The following TSHZ2 variants were observed in gnomAD, a reference collection of about 807,000 sequenced individuals.
TSHZ2 encodes teashirt zinc finger homeobox 2.
A neutral mutation model predicts 74.4 loss-of-function variants in TSHZ2; 21 were observed. The ratio of observed to expected loss-of-function variants is 0.28; its 90% CI spans 0.20 to 0.41. The LOEUF (loss-of-function observed/expected upper bound fraction) is 0.41, where lower values mean the gene tolerates loss of function less well. Ranked by LOEUF, TSHZ2 falls within the 10% of genes least tolerant of loss-of-function variation. TSHZ2 has a pLI of 1.00. For synonymous variants in TSHZ2, 540 were observed against 515.3 expected, an observed-to-expected ratio of 1.05 and a Z score of -0.65; for missense variants, 1,244 against 1,293.5, an observed-to-expected ratio of 0.96 and a Z score of 0.59.
intron 2 of TSHZ2, among the ~76,000 whole-genome samples, chr20:53,444,614 T>A (rs1428267470): frequency 1.3e-5 from 2 of 152,188 alleles, no homozygotes; most frequent in African/African-American, 4.8e-5. Context: ...TGTTCATCCG[T>A]AAGTAAACAC....
chr20:53,234,747 G>T (rs576971133), intron 1 of TSHZ2, among the ~76,000 whole-genome samples: 3 of 152,138 alleles, frequency 2.0e-5, no homozygotes, highest in Non-Finnish European at 4.4e-5. Flanking sequence ...CAGTATGGCT[G>T]GAGCAGAAAA....
At chr20:53,478,954 C>T (rs1986071392) in intron 2 of TSHZ2, among the ~76,000 whole-genome samples, 1 of 152,070 alleles carries the variant, frequency 6.6e-6, no homozygotes, top group Non-Finnish European at 1.5e-5. Flanking sequence ...CACTTCGGAT[C>T]AGGGATTCCA....
chr20:53,416,170 A>C (rs1983247256), intron 2 of TSHZ2, among the ~76,000 whole-genome samples: 1 of 152,148 alleles, frequency 6.6e-6, no homozygotes, highest in Non-Finnish European at 1.5e-5. Flanking sequence ...TACAGCAAGG[A>C]TTAGAGGGAG....
At position 53,493,242 on chromosome 20, in the gene TSHZ2, G is replaced by A. The variant is rs1986494007; in HGVS notation, c.*6107G>A. The A allele has an allele frequency of 6.6e-6, 1 of 152,088 alleles. No individual in the cohort carries two copies. The highest frequency in any genetic ancestry group is 1.5e-5 in the Non-Finnish European group (1 of 68,014). 9.4% of individuals were successfully genotyped at this position (152,088 alleles called of 1,614,324 possible). A position where few individuals can be genotyped will look rare whatever the true frequency, so the allele number is the denominator to read the frequency against. The stretch of plus-strand genomic sequence containing the variant: ...AAAATATGCTTGTAATTTTTTCCTG[G>A]TCATTCTCTTTCAATAGCTTATGAA... On this transcript the variant is annotated 3_prime_UTR_variant, in exon 3 of 3. Transcript: ENST00000371497.
intron 1 of TSHZ2, among the ~76,000 whole-genome samples, chr20:53,024,953 A>C (rs951460412): frequency 6.6e-6 from 1 of 152,188 alleles, no homozygotes; most frequent in Non-Finnish European, 1.5e-5. Flanking sequence ...GCCACAATAG[A>C]CATACGTGTG....
At chr20:53,135,007 GACACAC>G (rs139347142) in intron 1 of TSHZ2, among the ~76,000 whole-genome samples, 8,184 of 148,696 alleles carry the variant, frequency 0.055, 580 homozygotes, top group African/African-American at 0.17. Flanking sequence ...TGCACATGCA[GACACAC>G]ACACACACAC....
At chr20:53,151,118 C>T (rs1041595514) in intron 1 of TSHZ2, among the ~76,000 whole-genome samples, 1 of 152,150 alleles carries the variant, frequency 6.6e-6, no homozygotes, top group African/African-American at 2.4e-5. Flanking sequence ...CCTGTTAAAA[C>T]AGAAGGTGCA....
intron 2 of TSHZ2, among the ~76,000 whole-genome samples, chr20:53,386,642 C>T (rs746866016): frequency 6.6e-6 from 1 of 152,164 alleles, no homozygotes; most frequent in Admixed American, 6.5e-5. Flanking sequence ...ACGAATGCCC[C>T]GTTGCCTTTG....
At chr20:53,073,991 C>T (rs1985288808) in intron 1 of TSHZ2, among the ~76,000 whole-genome samples, 1 of 152,140 alleles carries the variant, frequency 6.6e-6, no homozygotes, top group Non-Finnish European at 1.5e-5. Flanking sequence ...GAGGTGCTTC[C>T]ACACTTTCTA....
intron 1 of TSHZ2, among the ~76,000 whole-genome samples, chr20:53,185,833 T>C (rs1240715474): frequency 2.0e-5 from 3 of 152,202 alleles, no homozygotes; most frequent in Non-Finnish European, 4.4e-5. Flanking sequence ...AGTTTTTAAA[T>C]GATACTTTTT....
intron 1 of TSHZ2, among the ~76,000 whole-genome samples, chr20:52,973,657 G>A (rs563076745): frequency 2.6e-4 from 39 of 152,216 alleles, no homozygotes; most frequent in African/African-American, 8.7e-4. Context: ...TTTGGGGTGC[G>A]GAGTAGGGAG....
chr20:53,453,831 A>T (rs1408362832), intron 2 of TSHZ2, among the ~76,000 whole-genome samples: 1 of 152,182 alleles, frequency 6.6e-6, no homozygotes, highest in Non-Finnish European at 1.5e-5. Flanking sequence ...TTCTCCAAAC[A>T]GTAATCAGGC....
chr20:53,030,366 A>G (rs1983591023), intron 1 of TSHZ2, among the ~76,000 whole-genome samples: 1 of 150,982 alleles, frequency 6.6e-6, no homozygotes, highest in South Asian at 2.1e-4. Flanking sequence ...AAAAAAAAAA[A>G]ATAGTCAACC....
chr20:53,425,513 T>C (rs1302438352), intron 2 of TSHZ2, among the ~76,000 whole-genome samples: 1 of 152,188 alleles, frequency 6.6e-6, no homozygotes, highest in East Asian at 1.9e-4. Context: ...GGGTGTATAT[T>C]GAGAATTTCC....
At chr20:53,188,694 C>A (rs1237149256) in intron 1 of TSHZ2, among the ~76,000 whole-genome samples, 4 of 152,168 alleles carry the variant, frequency 2.6e-5, no homozygotes, top group Non-Finnish European at 5.9e-5. Context: ...ATCTTACACA[C>A]ACATATACAT....
chr20:53,131,684 AG>A (rs148532395), intron 1 of TSHZ2, among the ~76,000 whole-genome samples: 12,825 of 152,256 alleles, frequency 0.084, 590 homozygotes, highest in African/African-American at 0.1. Context: ...GAAAAGAAAA[AG>A]CTAACTTTTC....
chr20:53,215,572 A>C (rs1989417392), intron 1 of TSHZ2, among the ~76,000 whole-genome samples: 1 of 150,936 alleles, frequency 6.6e-6, no homozygotes, highest in Admixed American at 6.6e-5. Context: ...GACTATATTA[A>C]AAATGTAAGA....
In TSHZ2 at chr20:53,140,238, A is replaced by G. The variant is rs1191226655; in HGVS notation, c.41-113261A>G. Among the ~76,000 whole-genome samples, 5 of 152,224 alleles carry G rather than the reference A, an allele frequency of 3.3e-5. No individual in the cohort carries two copies. The East Asian group carries it at 5.8e-4, about 18-fold the overall frequency. The stretch of plus-strand genomic sequence containing the variant: ...CTAAAATATGTTAATAGAATATAGC[A>G]TTATATTTAAAAGATAGAGGGGCCA... On this transcript the variant is annotated intron_variant, in intron 1 of 2. Coordinates refer to ENST00000371497, the MANE Select transcript of TSHZ2 (RefSeq NM_173485.6).
chr20:53,334,488 G>T (rs1979858860), intron 2 of TSHZ2, among the ~76,000 whole-genome samples: 1 of 152,120 alleles, frequency 6.6e-6, no homozygotes, highest in African/African-American at 2.4e-5. Context: ...CATGGCTGAA[G>T]CAGGATGGGG....
Sources: gnomAD v4.1 joint callset for allele counts (sites outside exome capture counted in the v4.1 genomes callset) on GRCh38, gnomAD v4.1.1 for gene constraint, MANE v1.5 for transcripts, NCBI Gene and HGNC (gene_info 2026-07-23, HGNC 2026-07-21) for gene names.